The following PRDM16 variants were observed in gnomAD, a reference collection of about 807,000 sequenced individuals.
PRDM16 encodes histone-lysine N-methyltransferase PRDM16.
In PRDM16, 23 loss-of-function variants were observed where a neutral mutation model predicts 110.6. The observed-to-expected ratio is 0.21, with a 90% CI of 0.15 to 0.29. The LOEUF is 0.29. Among genes scored for constraint, PRDM16 ranks in the 10% least tolerant of loss-of-function variants. The pLI is 1.00. For missense variants in PRDM16, 1,615 were observed against 1,794.3 expected, an observed-to-expected ratio of 0.90 and a Z score of 1.81; for synonymous variants, 799 against 781.8, an observed-to-expected ratio of 1.02 and a Z score of -0.37.
intron 3 of PRDM16, among the ~76,000 whole-genome samples, chr1:3,348,628 TCA>T (rs968797409): frequency 1.3e-4 from 20 of 152,266 alleles, no homozygotes; most frequent in African/African-American, 4.3e-4. Flanking sequence ...AGCTTTGAAC[TCA>T]CAGTGCCCCT....
chr1:3,125,936 G>C lies in PRDM16; in HGVS notation c.37+56640G>C, dbSNP rs570899696. On this transcript the variant is annotated intron_variant, in intron 1 of 16. Coordinates refer to ENST00000270722, the MANE Select transcript of PRDM16 (RefSeq NM_022114.4). Reference sequence around the variant, plus strand: ...ATAATGACAGGGGCATTAGAGGCCCGAGAGCAATTAACAGGCTGCTTAATT... The same window carrying C: ...ATAATGACAGGGGCATTAGAGGCCCCAGAGCAATTAACAGGCTGCTTAATT... Among the ~76,000 whole-genome samples the C allele has an allele frequency of 7.2e-5, 11 of 152,340 alleles. No homozygotes were observed. In the South Asian group the frequency reaches 2.3e-3, roughly 32 times the overall value.
At chr1:3,156,784 G>A (rs1290991893) in intron 1 of PRDM16, among the ~76,000 whole-genome samples, 1 of 152,204 alleles carries the variant, frequency 6.6e-6, no homozygotes, top group African/African-American at 2.4e-5. Context: ...AGAGTCCCAG[G>A]GCCCACATGG....
intron 3 of PRDM16, among the ~76,000 whole-genome samples, chr1:3,342,337 T>C (rs1999525): frequency 0.34 from 52,400 of 152,162 alleles, 9,467 homozygotes; most frequent in South Asian, 0.47. Flanking sequence ...AGAAGCCCTC[T>C]GGGCAGGTGG....
intron 1 of PRDM16, among the ~76,000 whole-genome samples, chr1:3,091,601 G>A (rs1414271798): frequency 2.0e-5 from 3 of 152,224 alleles, no homozygotes; most frequent in African/African-American, 7.2e-5. Context: ...TCCTTGCTGC[G>A]GAGGGCACCT....
chr1:3,170,620 C>T (rs71634324), intron 1 of PRDM16, among the ~76,000 whole-genome samples: 7,969 of 152,258 alleles, frequency 0.052, 230 homozygotes, highest in Admixed American at 0.072. Context: ...TCCGCAGCTC[C>T]CCACCCCCAC....
chr1:3,153,774 G>A (rs1643815651), intron 1 of PRDM16, among the ~76,000 whole-genome samples: 2 of 152,174 alleles, frequency 1.3e-5, no homozygotes, highest in South Asian at 2.1e-4. Context: ...TATTAAACCC[G>A]CACCATTGAG....
intron 1 of PRDM16, among the ~76,000 whole-genome samples, chr1:3,120,018 C>T (rs1173815137): frequency 5.3e-5 from 8 of 152,156 alleles, no homozygotes; most frequent in African/African-American, 2.4e-5. Flanking sequence ...TTGGGAGCCC[C>T]GCCTGGTGGC....
intron 1 of PRDM16, among the ~76,000 whole-genome samples, chr1:3,118,803 G>T (rs1005576643): frequency 6.6e-6 from 1 of 152,228 alleles, no homozygotes; most frequent in Admixed American, 6.5e-5. Context: ...TTGTGTGCAA[G>T]TGTGTGTGCA....
intron 1 of PRDM16, among the ~76,000 whole-genome samples, chr1:3,078,721 G>A (rs1427336255): frequency 1.3e-5 from 2 of 152,218 alleles, no homozygotes. Context: ...AAATGACGGG[G>A]TGCATACGTG....
At chr1:3,250,680 C>T (rs996168251) in intron 3 of PRDM16, among the ~76,000 whole-genome samples, 1 of 152,202 alleles carries the variant, frequency 6.6e-6, no homozygotes, top group African/African-American at 2.4e-5. Context: ...CTGCAAGGCC[C>T]CAGGGCCTGA....
chr1:3,367,033 C>T (rs750861478), intron 3 of PRDM16, among the ~76,000 whole-genome samples: 10 of 152,158 alleles, frequency 6.6e-5, no homozygotes, highest in East Asian at 1.9e-4. Flanking sequence ...TCTGGGAGGC[C>T]GAGGCCGGTG....
At chr1:3,181,230 A>G (rs1338159661) in intron 1 of PRDM16, among the ~76,000 whole-genome samples, 2 of 125,996 alleles carry the variant, frequency 1.6e-5, no homozygotes, top group African/African-American at 2.7e-5. Context: ...AGTCTTACAC[A>G]CGGTCTTACA....
intron 1 of PRDM16, among the ~76,000 whole-genome samples, chr1:3,145,911 A>G (rs553699241): frequency 3.0e-4 from 45 of 152,310 alleles, no homozygotes; most frequent in African/African-American, 1.0e-3. Flanking sequence ...GGTCAGGCTG[A>G]CGTCCTGGAG....
Position 3,081,612 on chromosome 1 carries a change from C to T in PRDM16, c.37+12316C>T, listed in dbSNP as rs558520821. Among the ~76,000 whole-genome samples the T allele has an allele frequency of 3.2e-4, 49 of 152,264 alleles. No individual in the cohort carries two copies. Among genetic ancestry groups the T allele is most frequent in the African/African-American group, 1.1e-3 (44 of 41,564 alleles). On this transcript the variant is annotated intron_variant, in intron 1 of 16. Transcript: ENST00000270722. This position sits in a 1 kb window ranked among gnomAD's most constrained non-coding sequence, Gnocchi z 4.6. ...AGGGTTGGTCTTCCTTCTGTGAGCA[C>T]GGGGGGTGAGCAGTGGGCAGCTCCA...
chr1:3,098,616 G>A (rs1410353525), intron 1 of PRDM16, among the ~76,000 whole-genome samples: 1 of 152,210 alleles, frequency 6.6e-6, no homozygotes, highest in Admixed American at 6.5e-5. Flanking sequence ...GCCCCAGGGA[G>A]CGTGGCCACT....
At position 3,255,787 on chromosome 1, in the gene PRDM16, C is replaced by T. The variant is rs1334518208; in HGVS notation, c.438+11650C>T. Reference sequence around the variant, plus strand: ...AGCAGACACACATAGTCCTCATCCTCCTTAGGCCTTGGCTCAGAATGAACC... The same window carrying T: ...AGCAGACACACATAGTCCTCATCCTTCTTAGGCCTTGGCTCAGAATGAACC... On this transcript the variant is annotated intron_variant, in intron 3 of 16. Transcript: ENST00000270722. The surrounding 1 kb of genome is among the most constrained non-coding windows in gnomAD (Gnocchi z 4.7). Among the ~76,000 whole-genome samples, 2 of 152,128 alleles carry T rather than the reference C, an allele frequency of 1.3e-5. No individual in the cohort carries two copies. The highest frequency in any genetic ancestry group is 2.9e-5 in the Non-Finnish European group (2 of 68,028).
intron 1 of PRDM16, among the ~76,000 whole-genome samples, chr1:3,101,066 C>G (rs1216600082): frequency 1.3e-5 from 2 of 152,138 alleles, no homozygotes; most frequent in Non-Finnish European, 2.9e-5. Context: ...TGCTGCTGGG[C>G]CCCAGGTATG....
intron 1 of PRDM16, among the ~76,000 whole-genome samples, chr1:3,109,735 G>A (rs1479919980): frequency 1.3e-5 from 2 of 152,234 alleles, no homozygotes; most frequent in South Asian, 4.1e-4. Context: ...GAAAGCAAAC[G>A]AGTATGGGAG....
chr1:3,288,409 T>A (rs537718366), intron 3 of PRDM16, among the ~76,000 whole-genome samples: 54 of 152,326 alleles, frequency 3.5e-4, no homozygotes, highest in South Asian at 2.5e-3. Context: ...CTCTGGGCTC[T>A]ATGTCCCACG....
Sources: allele counts gnomAD v4.1 joint callset (sites outside exome capture counted in the v4.1 genomes callset), GRCh38; gene constraint gnomAD v4.1.1; non-coding constraint Gnocchi (gnomAD v3.1); transcripts MANE v1.5; gene names NCBI Gene and HGNC (gene_info 2026-07-23, HGNC 2026-07-21).